OSBPL3: variants seen among roughly 807,000 people sequenced by gnomAD.
OSBPL3 encodes oxysterol binding protein like 3.
A neutral mutation model predicts 120.1 loss-of-function variants in OSBPL3; 65 were observed. The ratio of observed to expected loss-of-function variants is 0.54; its 90% CI spans 0.44 to 0.67. The LOEUF (loss-of-function observed/expected upper bound fraction) is 0.67. OSBPL3 is among the 30% of genes least tolerant of loss of function. The pLI is 0.00. For missense variants in OSBPL3, 1,004 were observed against 1,082.1 expected (o/e 0.93, Z 1.01); for synonymous variants, 416 against 402.6 (o/e 1.03, Z -0.40).
In OSBPL3 at chr7:24,898,765, A is replaced by C. The variant is rs1479271109; in HGVS notation, c.-149-6144T>G. ...AAGCGCAATAACACCAGTCATTAGA[A>C]TCATGGAGCCTAATAACGAATTCTA... On this transcript the variant is annotated intron_variant, in intron 1 of 22. Coordinates refer to ENST00000313367, the MANE Select transcript of OSBPL3 (RefSeq NM_015550.4). This position sits in a 1 kb window ranked among gnomAD's most constrained non-coding sequence, Gnocchi z 4.3. 2.0e-5 allele frequency among the ~76,000 whole-genome samples: 3 copies of C among 152,202 alleles called. No homozygotes were observed. The highest frequency in any genetic ancestry group is 4.1e-4 in the South Asian group (2 of 4,828).
rs1472636139 is a variant in OSBPL3 at position 24,899,945 on chromosome 7, T to C, written c.-149-7324A>G. Among the ~76,000 whole-genome samples, 1 of 152,220 alleles carries C rather than the reference T, an allele frequency of 6.6e-6. No homozygotes were observed. Among genetic ancestry groups the C allele is most frequent in the Non-Finnish European group, 1.5e-5 (1 of 68,034 alleles). On this transcript the variant is annotated intron_variant, in intron 1 of 22. Transcript: ENST00000313367. The surrounding 1 kb of genome is among the most constrained non-coding windows in gnomAD (Gnocchi z 4.0). ...TTTGCTTAAAGTTTGAGAACGTAACTGACTTAGCCTGTAGCTTTCAACCTT... is the reference window on the plus strand; with the variant it reads ...TTTGCTTAAAGTTTGAGAACGTAACCGACTTAGCCTGTAGCTTTCAACCTT...
Position 24,854,421 on chromosome 7 carries a change from T to G in OSBPL3, c.1028-1787A>C, listed in dbSNP as rs1799550225. 6.6e-6 allele frequency among the ~76,000 whole-genome samples: 1 copy of G among 151,972 alleles called. No homozygotes were observed. The highest frequency in any genetic ancestry group is 2.1e-4 in the South Asian group (1 of 4,824). ...ACTAAACCTCTCTATATGTTGTTGC[T>G]GAACTTGTCTGAGGTTGTGGCATTT... On this transcript the variant is annotated intron_variant, in intron 10 of 22. Transcript: ENST00000313367. This position sits in a 1 kb window ranked among gnomAD's most constrained non-coding sequence, Gnocchi z 4.1.
intron 14 of OSBPL3, among the ~76,000 whole-genome samples, chr7:24,839,689 G>A (rs1160080199): frequency 6.6e-6 from 1 of 152,112 alleles, no homozygotes; most frequent in African/African-American, 2.4e-5. Context: ...GAACATTAGA[G>A]TGCAAAAGGG....
rs897980032 is a variant in OSBPL3, at chr7:24,897,317, A to G, written c.-149-4696T>C. The stretch of plus-strand genomic sequence containing the variant: ...AACTACAAACAAATAAAGATGGCAG[A>G]ATCTTTTTTTTTTTTTTTTTTTTTT... On this transcript the variant is annotated intron_variant, in intron 1 of 22. Transcript: ENST00000313367. Among the ~76,000 whole-genome samples, 3 of 148,350 alleles carry G rather than the reference A, an allele frequency of 2.0e-5. No homozygotes were observed. In the South Asian group the frequency reaches 6.4e-4, roughly 31 times the overall value.
intron 12 of OSBPL3, among the ~76,000 whole-genome samples, chr7:24,845,366 C>G (rs1468512904): frequency 2.5e-5 from 1 of 40,552 alleles, no homozygotes; most frequent in South Asian, 8.1e-4. Flanking sequence ...TGTGAATTTA[C>G]AAATATTGCA....
At chr7:24,975,497 C>T (rs1023981346) in intron 1 of OSBPL3, among the ~76,000 whole-genome samples, 4 of 152,144 alleles carry the variant, frequency 2.6e-5, no homozygotes, top group East Asian at 1.9e-4. Flanking sequence ...TCACAGAATA[C>T]TCTAACAAAA....
intron 1 of OSBPL3, among the ~76,000 whole-genome samples, chr7:24,978,449 C>T (rs1301546954): frequency 6.6e-6 from 1 of 152,164 alleles, no homozygotes; most frequent in Non-Finnish European, 1.5e-5. Context: ...AGGCAGATAA[C>T]CCAATAACCC....
rs1427627716 is a variant in OSBPL3, at chr7:24,916,590, A to T, written c.-149-23969T>A. On this transcript the variant is annotated intron_variant, in intron 1 of 22. Transcript: ENST00000313367. This position sits in a 1 kb window ranked among gnomAD's most constrained non-coding sequence, Gnocchi z 4.9. ...ACTCCCCAACCTCAGATTCTGACTC[A>T]TATACCTCCATCAGTCTTCTTCATT... Among the ~76,000 whole-genome samples, 3 of 151,982 alleles carry T rather than the reference A, an allele frequency of 2.0e-5. No individual in the cohort carries two copies. Among genetic ancestry groups the T allele is most frequent in the Non-Finnish European group, 4.4e-5 (3 of 67,990 alleles).
chr7:24,814,983 A>C, intron 19 of OSBPL3, 76 bp downstream of exon 19: 2 of 1,442,532 alleles, frequency 1.4e-6, no homozygotes, highest in Non-Finnish European at 1.9e-6. Flanking sequence ...AAAATCTCTC[A>C]AATGCCCTGT....
rs868423848 is a variant in OSBPL3, at chr7:24,817,386, G to A, written c.1949-698C>T. Reference sequence around the variant, plus strand: ...ACAAAAATTAGCTGGGCGTTGTGGTGGGTGCCTGTAGTCCCAGCTGCTCAG... The same window carrying A: ...ACAAAAATTAGCTGGGCGTTGTGGTAGGTGCCTGTAGTCCCAGCTGCTCAG... On this transcript the variant is annotated intron_variant, in intron 17 of 22. Coordinates refer to ENST00000313367, the MANE Select transcript of OSBPL3 (RefSeq NM_015550.4). This position sits in a 1 kb window ranked among gnomAD's most constrained non-coding sequence, Gnocchi z 4.0. Among the ~76,000 whole-genome samples the A allele has an allele frequency of 1.3e-5, 2 of 152,106 alleles. No homozygotes were observed. The highest frequency in any genetic ancestry group is 6.5e-5 in the Admixed American group (1 of 15,276).
intron 19 of OSBPL3, among the ~76,000 whole-genome samples, chr7:24,810,721 T>C (rs995987876): frequency 4.6e-5 from 7 of 152,288 alleles, no homozygotes; most frequent in South Asian, 2.1e-4. Context: ...ATATCAACCA[T>C]TGTCCCACCC....
chr7:24,842,116 T>G (rs1313391562), intron 13 of OSBPL3, among the ~76,000 whole-genome samples, 163 bp downstream of exon 13: 1 of 152,246 alleles, frequency 6.6e-6, no homozygotes, highest in Non-Finnish European at 1.5e-5. Context: ...TAGTATCATT[T>G]TATACTTTTT....
At chr7:24,807,249 T>G (rs969880570) in intron 20 of OSBPL3, among the ~76,000 whole-genome samples, 1 of 152,162 alleles carries the variant, frequency 6.6e-6, no homozygotes, top group Non-Finnish European at 1.5e-5. Context: ...TCCCAGCACT[T>G]TGGGAGGCTG....
In OSBPL3 at chr7:24,854,252, C is replaced by T. The variant is rs1254158972; in HGVS notation, c.1028-1618G>A. On this transcript the variant is annotated intron_variant, in intron 10 of 22. Coordinates refer to ENST00000313367, the MANE Select transcript of OSBPL3 (RefSeq NM_015550.4). The surrounding 1 kb of genome is among the most constrained non-coding windows in gnomAD (Gnocchi z 4.1). ...CAGGAAGACTGAAGAGACTCAGACA[C>T]ATGTCTTCTCAAATGACCTAGCACA... Among the ~76,000 whole-genome samples the T allele has an allele frequency of 6.6e-6, 1 of 152,142 alleles. No homozygotes were observed. Among genetic ancestry groups the T allele is most frequent in the Non-Finnish European group, 1.5e-5 (1 of 68,030 alleles).
rs897858792 is a variant in OSBPL3, at chr7:24,819,137, C to T, written c.1948+1038G>A. Among the ~76,000 whole-genome samples the T allele has an allele frequency of 6.6e-6, 1 of 151,748 alleles. No individual in the cohort carries two copies. Among genetic ancestry groups the T allele is most frequent in the African/African-American group, 2.4e-5 (1 of 41,292 alleles). On this transcript the variant is annotated intron_variant, in intron 17 of 22. Coordinates refer to ENST00000313367, the MANE Select transcript of OSBPL3 (RefSeq NM_015550.4). This position sits in a 1 kb window ranked among gnomAD's most constrained non-coding sequence, Gnocchi z 4.1. ...GCATAGTGGCGCATGCCTGTAGTCC[C>T]AGCTACTCGGGAGGCTGAGACAGGA...
intron 1 of OSBPL3, among the ~76,000 whole-genome samples, chr7:24,928,461 G>C (rs1811377559): frequency 6.6e-6 from 1 of 152,080 alleles, no homozygotes; most frequent in Non-Finnish European, 1.5e-5. Flanking sequence ...AAAGTGCTAG[G>C]ATTACAGGCA....
Position 24,955,521 on chromosome 7 carries a change from T to A in OSBPL3, c.-150+24365A>T, listed in dbSNP as rs529256375. ...GTGGCCTCAGGGCCTTTGCACTTCT[T>A]GTTTTCTCTAAGTAGATGTTTGTGC... On this transcript the variant is annotated intron_variant, in intron 1 of 22. Coordinates refer to ENST00000313367, the MANE Select transcript of OSBPL3 (RefSeq NM_015550.4). This position sits in a 1 kb window ranked among gnomAD's most constrained non-coding sequence, Gnocchi z 4.3. Among the ~76,000 whole-genome samples, 1 of 152,336 alleles carries A rather than the reference T, an allele frequency of 6.6e-6. No homozygotes were observed. Among genetic ancestry groups the A allele is most frequent in the East Asian group, 1.9e-4 (1 of 5,188 alleles).
rs1456433933 is a variant in OSBPL3, at chr7:24,815,693, C to T, written c.2028-490G>A. On this transcript the variant is annotated intron_variant, in intron 18 of 22. Transcript: ENST00000313367. This position sits in a 1 kb window ranked among gnomAD's most constrained non-coding sequence, Gnocchi z 5.1. Reference sequence around the variant, plus strand: ...ATGGTATTAATAATAAGACCAGATACTTACAAAACATATGCAATGTGCTAA... The same window carrying T: ...ATGGTATTAATAATAAGACCAGATATTTACAAAACATATGCAATGTGCTAA... Among the ~76,000 whole-genome samples, 1 of 152,220 alleles carries T rather than the reference C, an allele frequency of 6.6e-6. No homozygotes were observed. Among genetic ancestry groups the T allele is most frequent in the East Asian group, 1.9e-4 (1 of 5,200 alleles).
intron 1 of OSBPL3, among the ~76,000 whole-genome samples, chr7:24,924,079 T>C (rs930940036): frequency 2.6e-5 from 4 of 152,190 alleles, no homozygotes; most frequent in Non-Finnish European, 4.4e-5. Flanking sequence ...ATGTTTATAA[T>C]AGGAAAAAGT....
Sources: gnomAD v4.1 joint callset for allele counts (sites outside exome capture counted in the v4.1 genomes callset) on GRCh38, gnomAD v4.1.1 for gene constraint, Gnocchi (gnomAD v3.1) non-coding constraint, MANE v1.5 for transcripts, NCBI Gene and HGNC (gene_info 2026-07-23, HGNC 2026-07-21) for gene names.